RBPMS: variants seen among roughly 807,000 people sequenced by gnomAD.
RBPMS encodes the protein RNA binding protein, mRNA processing factor.
RBPMS carries 7 observed loss-of-function variants against 26.8 expected under a neutral mutation model. That is an observed-to-expected ratio of 0.26 (90% confidence interval 0.15 to 0.49). The LOEUF is 0.49. Among genes scored for constraint, RBPMS ranks in the 20% least tolerant of loss-of-function variants. The pLI, the probability that RBPMS is intolerant of heterozygous loss-of-function variation, is 0.98. For missense variants in RBPMS, 186 were observed against 250.0 expected, an observed-to-expected ratio of 0.74 and a Z score of 1.73; for synonymous variants, 96 against 93.3, an observed-to-expected ratio of 1.03 and a Z score of -0.17.
intron 1 of RBPMS, among the ~76,000 whole-genome samples, chr8:30,428,903 T>A (rs1261924080): frequency 1.3e-5 from 2 of 152,124 alleles, no homozygotes; most frequent in Non-Finnish European, 2.9e-5. Flanking sequence ...GGGGAGTATG[T>A]GTGTAGTGGC....
At chr8:30,493,620 G>A (rs916057284) in intron 4 of RBPMS, among the ~76,000 whole-genome samples, 2 of 152,038 alleles carry the variant, frequency 1.3e-5, no homozygotes, top group Non-Finnish European at 2.9e-5. Context: ...TTCTTTCCAT[G>A]TAATATTATC....
chr8:30,428,447 C>T (rs1042260259), intron 1 of RBPMS, among the ~76,000 whole-genome samples: 7 of 151,166 alleles, frequency 4.6e-5, no homozygotes, highest in Admixed American at 1.3e-4. Flanking sequence ...TAGATCAAGA[C>T]GCTGTCTCAA....
chr8:30,480,820 A>G (rs1174550626), intron 4 of RBPMS, among the ~76,000 whole-genome samples: 2 of 152,280 alleles, frequency 1.3e-5, no homozygotes, highest in Non-Finnish European at 2.9e-5. Flanking sequence ...ATTTCAATTT[A>G]GCAGTGTTTT....
chr8:30,472,808 G>T (rs1217512315), intron 1 of RBPMS, among the ~76,000 whole-genome samples: 1 of 152,198 alleles, frequency 6.6e-6, no homozygotes, highest in East Asian at 1.9e-4. Flanking sequence ...AGGCGAGGTG[G>T]CTCATGCCTG....
chr8:30,547,157 G>A, intron 6 of RBPMS: 1 of 670,970 alleles, frequency 1.5e-6, no homozygotes, highest in Non-Finnish European at 2.6e-6. Context: ...GCCTCTACGG[G>A]GCATCTCCCC....
intron 5 of RBPMS, among the ~76,000 whole-genome samples, chr8:30,520,580 G>A (rs1370565354): frequency 6.6e-6 from 1 of 152,078 alleles, no homozygotes; most frequent in Admixed American, 6.5e-5. Context: ...CTTCCTAATG[G>A]TTCAGAACCA....
At chr8:30,541,224 C>T (rs1825359290) in intron 5 of RBPMS, among the ~76,000 whole-genome samples, 1 of 152,122 alleles carries the variant, frequency 6.6e-6, no homozygotes, top group Non-Finnish European at 1.5e-5. Context: ...GCATCTGTTT[C>T]CTCATCTAAA....
intron 6 of RBPMS, among the ~76,000 whole-genome samples, chr8:30,555,591 G>T (rs1335721572): frequency 6.6e-6 from 1 of 152,196 alleles, no homozygotes; most frequent in East Asian, 1.9e-4. Context: ...GTGTGTTTGT[G>T]TACACATACG....
intron 6 of RBPMS, among the ~76,000 whole-genome samples, chr8:30,549,772 T>TTTTCTTCTCTCTCTCTCTCTCTC (rs1182285469): frequency 3.4e-4 from 24 of 71,214 alleles, no homozygotes; most frequent in African/African-American, 1.7e-3. Flanking sequence ...TTTTCTTTTC[T>TTTTCTTCTCTCTCTCTCTCTCTC]TCTCTCTCTC....
chr8:30,542,413 A>G (rs1825476422), intron 5 of RBPMS, among the ~76,000 whole-genome samples: 1 of 152,196 alleles, frequency 6.6e-6, no homozygotes. Context: ...TACTCATTTC[A>G]TTTTTAAAAG....
chr8:30,529,417 G>A (rs1242660240), intron 5 of RBPMS, among the ~76,000 whole-genome samples: 3 of 151,828 alleles, frequency 2.0e-5, no homozygotes, highest in Admixed American at 6.6e-5. Flanking sequence ...CAGGAGAATC[G>A]CTTGAACCTG....
chr8:30,548,948 T>TG (rs1022033162), intron 6 of RBPMS, among the ~76,000 whole-genome samples: 6 of 152,212 alleles, frequency 3.9e-5, no homozygotes, highest in African/African-American at 1.4e-4. Flanking sequence ...CATAGAGTGT[T>TG]GGGGGGTGTC....
intron 1 of RBPMS, among the ~76,000 whole-genome samples, chr8:30,419,450 A>ATTGTGTGTGTGTGTGTGTGTGTGTGTG (rs1554509328): frequency 1.7e-4 from 25 of 143,284 alleles, no homozygotes; most frequent in Middle Eastern, 3.4e-3. Context: ...CATCTCAAAA[A>ATTGTGTGTGTGTGTGTGTGTGTGTGTG]TGTGTGTGTG....
At chr8:30,527,192 G>A (rs1317677355) in intron 5 of RBPMS, among the ~76,000 whole-genome samples, 1 of 152,188 alleles carries the variant, frequency 6.6e-6, no homozygotes, top group African/African-American at 2.4e-5. Flanking sequence ...ACCTTGAAGT[G>A]AGTTACTGTA....
In RBPMS at chr8:30,544,564, G is replaced by A. The variant is rs755192176; in HGVS notation, c.468G>A (p.Ala156=). The A allele has an allele frequency of 5.6e-6, 9 of 1,614,040 alleles. No homozygotes were observed. The highest frequency in any genetic ancestry group is 3.3e-5 in the Admixed American group (2 of 60,006). The part of the protein sequence containing the change: ...EVWAPYPLYP[A]ELAPALPPPA... The stretch of plus-strand genomic sequence containing the variant: ...GGGCCCCGTACCCTCTGTACCCAGC[G>A]GAGTTAGCGCCTGCTCTACCTCCTC... The change falls in exon 6 of 9, where the codon GCG becomes GCA. Residue 156 remains alanine (A), a synonymous_variant. Transcript: ENST00000397323.
intron 1 of RBPMS, among the ~76,000 whole-genome samples, chr8:30,435,376 A>T (rs1025197830): frequency 2.0e-5 from 3 of 152,156 alleles, no homozygotes; most frequent in African/African-American, 2.4e-5. Flanking sequence ...TAGATAAGGG[A>T]TGCTCAACCT....
rs192645001 is a variant in RBPMS at position 30,449,724 on chromosome 8, A to C, written c.67-25055A>C. 2.0e-5 allele frequency among the ~76,000 whole-genome samples: 3 copies of C among 152,288 alleles called. No homozygotes were observed. In the East Asian group the frequency reaches 5.8e-4, roughly 29 times the overall value. On this transcript the variant is annotated intron_variant, in intron 1 of 8. Coordinates refer to ENST00000397323, the MANE Select transcript of RBPMS (RefSeq NM_001008710.3). ...GCAAGCACTGTCACCTGTACCTCACACAAGGAGAAACTTGGCCTCAGGGTG... is the reference window on the plus strand; with the variant it reads ...GCAAGCACTGTCACCTGTACCTCACCCAAGGAGAAACTTGGCCTCAGGGTG...
At chr8:30,451,274 G>T (rs1381723019) in intron 1 of RBPMS, among the ~76,000 whole-genome samples, 1 of 152,130 alleles carries the variant, frequency 6.6e-6, no homozygotes, top group East Asian at 1.9e-4. Context: ...TAAAATCGTT[G>T]AATCATATCC....
intron 5 of RBPMS, among the ~76,000 whole-genome samples, chr8:30,528,647 A>G (rs146319231): frequency 4.7e-4 from 72 of 152,342 alleles, no homozygotes; most frequent in African/African-American, 1.7e-3. Context: ...ATCTCATTCA[A>G]TCTTCACAAC....
Sources: gnomAD v4.1 joint callset for allele counts (sites outside exome capture counted in the v4.1 genomes callset) on GRCh38, gnomAD v4.1.1 for gene constraint, MANE v1.5 for transcripts, NCBI Gene and HGNC (gene_info 2026-07-23, HGNC 2026-07-21) for gene names.